FAM135A: variants seen among roughly 807,000 people sequenced by gnomAD.
FAM135A encodes family with sequence similarity 135 member A.
Under a neutral mutation model 146.8 loss-of-function variants are expected in FAM135A, and 79 were observed. The observed-to-expected ratio is 0.54, with a 90% CI of 0.45 to 0.65. The LOEUF (loss-of-function observed/expected upper bound fraction) is 0.65, where lower values mean the gene tolerates loss of function less well. Among genes scored for constraint, FAM135A ranks in the 30% least tolerant of loss-of-function variants. FAM135A has a pLI of 0.00. For synonymous variants in FAM135A, 562 were observed against 603.6 expected (o/e 0.93, Z 1.01); for missense variants, 1,623 against 1,758.2 (o/e 0.92, Z 1.38).
intron 2 of FAM135A, among the ~76,000 whole-genome samples, chr6:70,423,648 A>G (rs1189012831): frequency 6.6e-6 from 1 of 152,178 alleles, no homozygotes; most frequent in Non-Finnish European, 1.5e-5. Flanking sequence ...CATTCCATGG[A>G]TAGGATCACT....
At chr6:70,413,790 G>A (rs1470529306) in intron 1 of FAM135A, 88 bp downstream of exon 1, 2 of 985,082 alleles carry the variant, frequency 2.0e-6, no homozygotes, top group African/African-American at 3.5e-5. Flanking sequence ...GGCCAGGAAG[G>A]AAGCGGCCTC....
At chr6:70,516,436 G>A (rs1792230244) in intron 12 of FAM135A, among the ~76,000 whole-genome samples, 1 of 151,730 alleles carries the variant, frequency 6.6e-6, no homozygotes, top group Non-Finnish European at 1.5e-5. Context: ...ATTCTAATGT[G>A]GACCCATTAC....
At chr6:70,475,296 G>T in intron 5 of FAM135A, 114 bp from the exon 6 acceptor site, 1 of 828,012 alleles carries the variant, frequency 1.2e-6, no homozygotes, top group Non-Finnish European at 1.8e-6. Context: ...AGTATAAATT[G>T]ATAATGACAC....
At chr6:70,432,125 A>G (rs2127808963) in intron 4 of FAM135A, among the ~76,000 whole-genome samples, 1 of 152,282 alleles carries the variant, frequency 6.6e-6, no homozygotes, top group African/African-American at 2.4e-5. Context: ...TAAAGAATAG[A>G]GGATAGAAAT....
At chr6:70,416,792 A>T (rs1767664114) in intron 2 of FAM135A, among the ~76,000 whole-genome samples, 2 of 152,170 alleles carry the variant, frequency 1.3e-5, no homozygotes, top group Admixed American at 1.3e-4. Flanking sequence ...TAAGAAGCAG[A>T]ATGGTAATAT....
chr6:70,472,405 A>C (rs1419639064), intron 5 of FAM135A, among the ~76,000 whole-genome samples: 1 of 152,188 alleles, frequency 6.6e-6, no homozygotes, highest in African/African-American at 2.4e-5. Context: ...TTGCAAGTAC[A>C]TTATAAAGAA....
At chr6:70,529,829 G>A (rs1795452274) in intron 16 of FAM135A, among the ~76,000 whole-genome samples, 1 of 152,136 alleles carries the variant, frequency 6.6e-6, no homozygotes, top group Non-Finnish European at 1.5e-5. Context: ...TTGGGAGGCT[G>A]AGATGGGCGG....
intron 17 of FAM135A, 64 bp from the exon 18 acceptor site, chr6:70,533,693 G>T: frequency 1.1e-6 from 1 of 947,368 alleles, no homozygotes; most frequent in Non-Finnish European, 1.6e-6. Context: ...TGTTTATATT[G>T]TTAGTTTTTC....
intron 4 of FAM135A, among the ~76,000 whole-genome samples, chr6:70,438,459 G>T (rs1015060985): frequency 6.6e-6 from 1 of 152,082 alleles, no homozygotes; most frequent in Non-Finnish European, 1.5e-5. Context: ...GTCCCTCTTC[G>T]TCCCTCTCAG....
At chr6:70,443,949 A>T (rs1397586653) in intron 4 of FAM135A, among the ~76,000 whole-genome samples, 2 of 152,082 alleles carry the variant, frequency 1.3e-5, no homozygotes, top group Non-Finnish European at 2.9e-5. Flanking sequence ...AATTTTACAG[A>T]TATACTTTTT....
rs1376792668 is a variant in FAM135A, at chr6:70,494,418, C to G, written c.873+3335C>G. Reference sequence around the variant, plus strand: ...ACTGAGGTGGGAGTACTGCCTGAGTCCAGGAAATGAGACTGTATTCATACC... The same window carrying G: ...ACTGAGGTGGGAGTACTGCCTGAGTGCAGGAAATGAGACTGTATTCATACC... On this transcript the variant is annotated intron_variant, in intron 11 of 21. Transcript: ENST00000418814. Among the ~76,000 whole-genome samples the G allele has an allele frequency of 2.0e-5, 3 of 152,006 alleles. No homozygotes were observed. The East Asian group carries it at 5.8e-4, about 30-fold the overall frequency.
In FAM135A at chr6:70,480,922, A is replaced by G; in HGVS notation, c.564A>G (p.Thr188=). 1 of 1,611,756 alleles carries G rather than the reference A, an allele frequency of 6.2e-7. No homozygotes were observed. The highest frequency in any genetic ancestry group is 1.1e-5 in the South Asian group (1 of 90,514). The stretch of plus-strand genomic sequence containing the variant: ...CCAGCTTTCCTCGCCCTGTGAAGAC[A>G]ACTTGGTTAAATAGAAATGCACCAG... The part of the protein sequence containing the change: ...PLISFPRPVK[T]TWLNRNAPAQ... Residue 188 remains threonine, a synonymous_variant, in exon 9 of 22, where the codon ACA becomes ACG. Coordinates refer to ENST00000418814, the MANE Select transcript of FAM135A (RefSeq NM_001162529.3).
chr6:70,559,697 T>G lies in FAM135A; in HGVS notation c.4343-19T>G. On this transcript the variant is annotated intron_variant, in intron 21 of 21. Coordinates refer to ENST00000418814, the MANE Select transcript of FAM135A (RefSeq NM_001162529.3). ...TTACTATTGTGAACTAATTTTCCTT[T>G]TTTCTGTTGGTTCCATAGGACAGAT... 1 of 1,575,646 alleles carries G rather than the reference T, an allele frequency of 6.3e-7. No homozygotes were observed. The highest frequency in any genetic ancestry group is 8.6e-7 in the Non-Finnish European group (1 of 1,158,890).
chr6:70,488,193 A>G (rs1012906473), intron 10 of FAM135A, among the ~76,000 whole-genome samples: 5 of 152,138 alleles, frequency 3.3e-5, no homozygotes, highest in Non-Finnish European at 7.4e-5. Flanking sequence ...ATCAATGCCC[A>G]TTATTTGGGC....
At chr6:70,528,999 C>T (rs1043004724) in intron 16 of FAM135A, among the ~76,000 whole-genome samples, 1 of 151,932 alleles carries the variant, frequency 6.6e-6, no homozygotes, top group Non-Finnish European at 1.5e-5. Flanking sequence ...CATCCATGTC[C>T]CTGCAAAGGA....
intron 20 of FAM135A, among the ~76,000 whole-genome samples, chr6:70,550,905 AT>A (rs1320875981): frequency 1.3e-5 from 2 of 152,234 alleles, no homozygotes. Flanking sequence ...TAGCTTCTCC[AT>A]CAGCACTTGC....
intron 5 of FAM135A, among the ~76,000 whole-genome samples, chr6:70,460,392 C>G (rs1274903412): frequency 6.6e-6 from 1 of 152,174 alleles, no homozygotes; most frequent in Non-Finnish European, 1.5e-5. Context: ...CAAATTTTCT[C>G]TCTTTCTACC....
intron 5 of FAM135A, among the ~76,000 whole-genome samples, chr6:70,462,223 G>A (rs1002865014): frequency 2.6e-5 from 4 of 152,106 alleles, no homozygotes; most frequent in Non-Finnish European, 1.5e-5. Flanking sequence ...CCTTACTAGT[G>A]TTGGAGTTCT....
chr6:70,447,467 C>T (rs189786864), intron 4 of FAM135A, among the ~76,000 whole-genome samples: 12 of 152,326 alleles, frequency 7.9e-5, no homozygotes, highest in Non-Finnish European at 1.2e-4. Context: ...GTAATCCTGT[C>T]GTCCCCGCTG....
Sources: gnomAD v4.1 joint callset for allele counts (sites outside exome capture counted in the v4.1 genomes callset) on GRCh38, gnomAD v4.1.1 for gene constraint, MANE v1.5 for transcripts, NCBI Gene and HGNC (gene_info 2026-07-23, HGNC 2026-07-21) for gene names.